CSMD1: variants seen among roughly 807,000 people sequenced by gnomAD.
CSMD1 encodes CUB and sushi domain-containing protein 1.
CSMD1 carries 213 observed loss-of-function variants against 417.5 expected under a neutral mutation model. The ratio of observed to expected loss-of-function variants is 0.51; its 90% CI spans 0.46 to 0.57. CSMD1 has a LOEUF of 0.57. Among genes scored for constraint, CSMD1 ranks in the 20% least tolerant of loss-of-function variants. The probability of loss-of-function intolerance (pLI) is 0.00; values close to 1 mark genes in which losing one functional copy is unlikely to be tolerated. For synonymous variants in CSMD1, 2,862 were observed against 1,736.8 expected (o/e 1.65, Z -16.11); for missense variants, 6,923 against 4,529.7 (o/e 1.53, Z -15.17).
At chr8:3,047,448 A>C (rs1265962141) in intron 50 of CSMD1, among the ~76,000 whole-genome samples, 1 of 152,098 alleles carries the variant, frequency 6.6e-6, no homozygotes, top group Non-Finnish European at 1.5e-5. Context: ...GTCTCACACC[A>C]GTAGTTACAA....
chr8:3,223,451 T>G (rs1389980499), intron 28 of CSMD1, among the ~76,000 whole-genome samples: 1 of 152,226 alleles, frequency 6.6e-6, no homozygotes, highest in Admixed American at 6.5e-5. Flanking sequence ...TTATTATTTT[T>G]AACGAACATT....
At chr8:4,451,615 C>G (rs78232803) in intron 2 of CSMD1, among the ~76,000 whole-genome samples, 1 of 151,934 alleles carries the variant, frequency 6.6e-6, no homozygotes, top group Non-Finnish European at 1.5e-5. Flanking sequence ...AGGTTATATT[C>G]AAGAAGGAAT....
At position 3,397,999 on chromosome 8, in the gene CSMD1, AT is replaced by A. The variant is rs1250985594; in HGVS notation, c.2405+1391del. On this transcript the variant is annotated intron_variant, in intron 16 of 69. Coordinates refer to ENST00000635120, the MANE Select transcript of CSMD1 (RefSeq NM_033225.6). Reference sequence around the variant, plus strand: ...GAGTACAGATCACACATGTCTAAAAATATCAGAAATATCGGGTATTTCCAAA... The same window carrying A: ...GAGTACAGATCACACATGTCTAAAAAATCAGAAATATCGGGTATTTCCAAA... Among the ~76,000 whole-genome samples the A allele has an allele frequency of 2.0e-5, 3 of 152,356 alleles. No individual in the cohort carries two copies. In the East Asian group the frequency reaches 5.8e-4, roughly 29 times the overall value.
In CSMD1 at chr8:3,881,354, G is replaced by C. The variant is rs1806190793; in HGVS notation, c.818+116549C>G. On this transcript the variant is annotated intron_variant, in intron 5 of 69. Transcript: ENST00000635120. Reference sequence around the variant, plus strand: ...TATAGATATATAAAAAGCAAGTTGGGGCCGGGTGCGGTGGCTTATGCCTAT... The same window carrying C: ...TATAGATATATAAAAAGCAAGTTGGCGCCGGGTGCGGTGGCTTATGCCTAT... Among the ~76,000 whole-genome samples, 3 of 151,134 alleles carry C rather than the reference G, an allele frequency of 2.0e-5. No homozygotes were observed. The South Asian group carries it at 6.2e-4, about 31-fold the overall frequency.
chr8:4,971,779 A>G lies in CSMD1; in HGVS notation c.85+22553T>C, dbSNP rs191573928. Among the ~76,000 whole-genome samples the G allele has an allele frequency of 6.3e-3, 955 of 151,982 alleles. 7 individuals carry two copies. Among genetic ancestry groups the G allele is most frequent in the Admixed American group, 0.011 (162 of 15,242 alleles). On this transcript the variant is annotated intron_variant, in intron 1 of 69. Coordinates refer to ENST00000635120, the MANE Select transcript of CSMD1 (RefSeq NM_033225.6). ...ATGTCCTAATTCCTCTAAAATTAAT[A>G]CAATTCTCATTATTATAAGTAGAAA... is the stretch of plus-strand genomic sequence containing the variant.
At chr8:4,980,614 C>G (rs1196024561) in intron 1 of CSMD1, among the ~76,000 whole-genome samples, 1 of 152,100 alleles carries the variant, frequency 6.6e-6, no homozygotes, top group South Asian at 2.1e-4. Context: ...ATTCAAAAAT[C>G]TTATCTAGCC....
intron 3 of CSMD1, among the ~76,000 whole-genome samples, chr8:4,255,681 G>C (rs1420295770): frequency 6.6e-6 from 1 of 152,212 alleles, no homozygotes; most frequent in East Asian, 1.9e-4. Context: ...TACGTGAAGA[G>C]TTAAGGTAGT....
chr8:3,396,167 G>A (rs569619521), intron 17 of CSMD1, 27 bp downstream of exon 17: 7 of 1,543,882 alleles, frequency 4.5e-6, no homozygotes, highest in South Asian at 2.4e-5. Context: ...CTGCCCTGCC[G>A]GGCTGTCAAG....
At chr8:3,353,955 T>A (rs1187731653) in intron 21 of CSMD1, among the ~76,000 whole-genome samples, 2 of 152,144 alleles carry the variant, frequency 1.3e-5, no homozygotes, top group Non-Finnish European at 2.9e-5. Context: ...AAATTTCCTG[T>A]CTCAGTCTGC....
chr8:3,390,884 C>T lies in CSMD1; in HGVS notation c.2594-3202G>A, dbSNP rs561454927. Among the ~76,000 whole-genome samples, 10 of 152,288 alleles carry T rather than the reference C, an allele frequency of 6.6e-5. No homozygotes were observed. The South Asian group carries it at 1.5e-3, about 22-fold the overall frequency. On this transcript the variant is annotated intron_variant, in intron 17 of 69. Coordinates refer to ENST00000635120, the MANE Select transcript of CSMD1 (RefSeq NM_033225.6). ...TCATATGCCGAGCTTAGAGATGTCACTTCTCACAGCCTCCGAGAGGTTTCA... is the reference window on the plus strand; with the variant it reads ...TCATATGCCGAGCTTAGAGATGTCATTTCTCACAGCCTCCGAGAGGTTTCA...
intron 59 of CSMD1, 148 bp from the exon 60 acceptor site, chr8:2,963,543 G>C: frequency 1.3e-6 from 1 of 774,210 alleles, no homozygotes; most frequent in Non-Finnish European, 2.1e-6. Context: ...TGCCAAGGAA[G>C]ACAGTACATC....
At chr8:4,958,866 G>A (rs777806194) in intron 1 of CSMD1, among the ~76,000 whole-genome samples, 1 of 152,130 alleles carries the variant, frequency 6.6e-6, no homozygotes, top group Admixed American at 6.6e-5. Flanking sequence ...AAGAAAGCAG[G>A]TAATTTATTG....
chr8:3,288,159 G>C (rs931109222), intron 25 of CSMD1, among the ~76,000 whole-genome samples: 2 of 147,402 alleles, frequency 1.4e-5, no homozygotes, highest in Non-Finnish European at 2.9e-5. Flanking sequence ...AAGCCCACTT[G>C]ATCATTGTGG....
chr8:4,138,075 TTTTTTTTTTTTTG>T lies in CSMD1; in HGVS notation c.416-105989_416-105977del, dbSNP rs1317600728. On this transcript the variant is annotated intron_variant, in intron 3 of 69. Coordinates refer to ENST00000635120, the MANE Select transcript of CSMD1 (RefSeq NM_033225.6). Reference sequence around the variant, plus strand: ...TTTTTTTTTTTTTTTTTTTTTTTTTTTTTTTTTTTTTTGTATTTTTTAGTAGAGACGCGGTTTC... The same window carrying T: ...TTTTTTTTTTTTTTTTTTTTTTTTTTTATTTTTTAGTAGAGACGCGGTTTC... 1.4e-3 allele frequency among the ~76,000 whole-genome samples: 167 copies of T among 122,046 alleles called. 6 individuals are homozygous for T. Among genetic ancestry groups the T allele is most frequent in the African/African-American group, 4.2e-3 (145 of 34,756 alleles). The allele number at this position is 122,046 out of a possible 152,430, so 80.1% of individuals were successfully genotyped here. A position where few individuals can be genotyped will look rare whatever the true frequency, so the allele number is the denominator to read the frequency against.
At chr8:4,972,067 G>A (rs575987597) in intron 1 of CSMD1, among the ~76,000 whole-genome samples, 1 of 152,066 alleles carries the variant, frequency 6.6e-6, no homozygotes, top group Non-Finnish European at 1.5e-5. Context: ...AGAGGTAAGC[G>A]ATACCATACC....
At chr8:3,024,087 C>G (rs1003865031) in intron 51 of CSMD1, among the ~76,000 whole-genome samples, 1 of 151,950 alleles carries the variant, frequency 6.6e-6, no homozygotes, top group Non-Finnish European at 1.5e-5. Context: ...GTTTATCACA[C>G]ACTTATTTAA....
chr8:3,026,209 G>T (rs79536084), intron 51 of CSMD1, among the ~76,000 whole-genome samples: 1 of 152,166 alleles, frequency 6.6e-6, no homozygotes, highest in Admixed American at 6.5e-5. Flanking sequence ...GTGGGGGACA[G>T]AGGGCCAGGA....
chr8:4,291,494 T>G (rs557188565), intron 3 of CSMD1, among the ~76,000 whole-genome samples: 1 of 152,320 alleles, frequency 6.6e-6, no homozygotes, highest in South Asian at 2.1e-4. Context: ...TTCCCAGTGA[T>G]TCTGACATTT....
At chr8:4,451,790 A>G (rs1041429092) in intron 2 of CSMD1, among the ~76,000 whole-genome samples, 4 of 152,072 alleles carry the variant, frequency 2.6e-5, no homozygotes, top group African/African-American at 9.7e-5. Context: ...AGCAGGATCC[A>G]CAATGCCATC....
Sources: gnomAD v4.1 joint callset for allele counts (sites outside exome capture counted in the v4.1 genomes callset) on GRCh38, gnomAD v4.1.1 for gene constraint, MANE v1.5 for transcripts, NCBI Gene and HGNC (gene_info 2026-07-23, HGNC 2026-07-21) for gene names.